The following SOS1 variants were observed in gnomAD, a reference collection of about 807,000 sequenced individuals.
The protein encoded by SOS1 is son of sevenless homolog 1.
SOS1 carries 25 observed loss-of-function variants against 157.6 expected under a neutral mutation model. The observed-to-expected ratio is 0.16, with a 90% confidence interval of 0.12 to 0.22. The LOEUF is 0.22. SOS1 is among the 10% of genes least tolerant of loss of function. The probability of loss-of-function intolerance (pLI) is 1.00; values close to 1 mark genes in which losing one functional copy is unlikely to be tolerated. For missense variants in SOS1, 1,237 were observed against 1,599.1 expected (o/e 0.77, Z 3.86); for synonymous variants, 528 against 534.0 (o/e 0.99, Z 0.16).
At chr2:39,025,463 C>T (rs1669926249) in intron 8 of SOS1, among the ~76,000 whole-genome samples, 1 of 151,972 alleles carries the variant, frequency 6.6e-6, no homozygotes, top group Admixed American at 6.6e-5. Flanking sequence ...AGTTCTCCTG[C>T]CTCAGCCTCC....
intron 6 of SOS1, among the ~76,000 whole-genome samples, chr2:39,046,495 C>CTTTTTTTTTTTTT (rs201639147): frequency 1.8e-4 from 23 of 124,402 alleles, no homozygotes; most frequent in African/African-American, 7.3e-4. Flanking sequence ...GAGACAGTGT[C>CTTTTTTTTTTTTT]TTTTTTTTTT....
intron 1 of SOS1, among the ~76,000 whole-genome samples, chr2:39,079,214 A>G (rs1472915059): frequency 4.4e-4 from 1 of 2,292 alleles, no homozygotes; most frequent in African/African-American, 4.4e-3. Context: ...TGAATGACCT[A>G]AAAGTTACAC....
intron 1 of SOS1, among the ~76,000 whole-genome samples, chr2:39,068,200 G>A (rs1301615149): frequency 1.3e-5 from 2 of 152,156 alleles, no homozygotes; most frequent in African/African-American, 2.4e-5. Context: ...TAGAAGTCAG[G>A]AGTTCTCAAC....
intron 5 of SOS1, 143 bp from the exon 6 acceptor site, chr2:39,051,430 A>T: frequency 1.4e-6 from 1 of 701,302 alleles, no homozygotes. Flanking sequence ...AAATATGAAT[A>T]AAGGACAATT....
chr2:39,013,452 A>G lies in SOS1; in HGVS notation c.2167+8T>C, dbSNP rs1422066325. On this transcript the variant is annotated splice_region_variant and intron_variant, in intron 13 of 22. Coordinates refer to ENST00000402219, the MANE Select transcript of SOS1 (RefSeq NM_005633.4). ...TATAAAACTAGGCACCTAAAAAAAA[A>G]AACATACCTCTTACTGTTCCAATAA... The G allele has an allele frequency of 2.5e-6, 4 of 1,575,512 alleles. No individual in the cohort carries two copies. Among genetic ancestry groups the G allele is most frequent in the Non-Finnish European group, 3.5e-6 (4 of 1,145,212 alleles).
At chr2:39,015,531 A>G (rs1001938561) in intron 10 of SOS1, among the ~76,000 whole-genome samples, 9 of 152,004 alleles carry the variant, frequency 5.9e-5, no homozygotes, top group African/African-American at 1.7e-4. Flanking sequence ...GGAGTCTCCA[A>G]TCCCTTCCAT....
At chr2:39,040,706 T>C (rs771484937) in intron 6 of SOS1, among the ~76,000 whole-genome samples, 1 of 152,250 alleles carries the variant, frequency 6.6e-6, no homozygotes, top group East Asian at 1.9e-4. Flanking sequence ...TCTACTGTAA[T>C]GTATTTACCA....
At chr2:39,041,212 C>T (rs1670557575) in intron 6 of SOS1, among the ~76,000 whole-genome samples, 2 of 152,102 alleles carry the variant, frequency 1.3e-5, no homozygotes, top group Non-Finnish European at 2.9e-5. Context: ...TGCACACCAC[C>T]ATCCTGGGCA....
chr2:38,994,680 C>T (rs1254890949), intron 20 of SOS1, among the ~76,000 whole-genome samples: 1 of 152,170 alleles, frequency 6.6e-6, no homozygotes, highest in African/African-American at 2.4e-5. Flanking sequence ...TATGTTGACA[C>T]TCAAAAAGTT....
At position 39,023,041 on chromosome 2, in the gene SOS1, G is replaced by C. The variant is rs762150157; in HGVS notation, c.1387C>G (p.Leu463Val). ...CAGCAAATCATTAAGCCATCAAAGA[G>C]AAATATGTGTCTCTCATGTTTGGCT... is the stretch of plus-strand genomic sequence containing the variant. ...VGAKHERHIFLFDGLMICCKS... is the reference protein window; with the variant it reads ...VGAKHERHIFVFDGLMICCKS... Residue 463 changes from leucine (L) to valine (V), a missense_variant, in exon 10 of 23, where the codon CTC (leucine) becomes GTC (valine). Physicochemically the swap from Leu to Val is conservative, Grantham distance 32. This residue lies in a region of SOS1 where 210 missense variants were observed against 220.2 expected (regional missense o/e 0.95). Coordinates refer to ENST00000402219, the MANE Select transcript of SOS1 (RefSeq NM_005633.4). 6.2e-7 allele frequency: 1 copy of C among 1,613,724 alleles called. No homozygotes were observed. Among genetic ancestry groups the C allele is most frequent in the South Asian group, 1.1e-5 (1 of 91,068 alleles).
intron 2 of SOS1, among the ~76,000 whole-genome samples, chr2:39,063,399 A>T (rs1671478596): frequency 6.6e-6 from 1 of 152,266 alleles, no homozygotes; most frequent in Admixed American, 6.5e-5. Context: ...AAGGGACTTA[A>T]GCATCCATGG....
At chr2:39,090,986 A>C (rs1204229115) in intron 1 of SOS1, among the ~76,000 whole-genome samples, 1 of 152,050 alleles carries the variant, frequency 6.6e-6, no homozygotes, top group Non-Finnish European at 1.5e-5. Flanking sequence ...CTCCTGTTTC[A>C]GCCTCCCGAG....
At chr2:39,107,798 G>T (rs968242898) in intron 1 of SOS1, among the ~76,000 whole-genome samples, 1 of 151,928 alleles carries the variant, frequency 6.6e-6, no homozygotes, top group African/African-American at 2.4e-5. Context: ...AATATGAAGA[G>T]ATTCACTCTA....
In SOS1 at chr2:38,997,233, C is replaced by T. The variant is rs1448789129; in HGVS notation, c.2964+20G>A. 6.3e-7 allele frequency: 1 copy of T among 1,578,942 alleles called. No homozygotes were observed. Among genetic ancestry groups the T allele is most frequent in the African/African-American group, 1.3e-5 (1 of 74,142 alleles). On this transcript the variant is annotated intron_variant, in intron 18 of 22. Transcript: ENST00000402219. ...TAGAAACTTAATCAGAAGTATGAATCTTTAAATAATTCAACTTACTTTGAT... is the reference window on the plus strand; with the variant it reads ...TAGAAACTTAATCAGAAGTATGAATTTTTAAATAATTCAACTTACTTTGAT...
At chr2:38,989,815 T>C (rs752338233) in intron 20 of SOS1, among the ~76,000 whole-genome samples, 3 of 152,140 alleles carry the variant, frequency 2.0e-5, no homozygotes, top group East Asian at 1.9e-4. Flanking sequence ...AAGCTTGAAA[T>C]TGATACAGGG....
intron 17 of SOS1, among the ~76,000 whole-genome samples, chr2:39,005,161 C>A (rs1669245145): frequency 6.6e-6 from 1 of 152,094 alleles, no homozygotes; most frequent in Non-Finnish European, 1.5e-5. Flanking sequence ...AAATTAGGCA[C>A]AGTAAGATTA....
Position 39,067,672 on chromosome 2 carries a change from T to A in SOS1, c.169A>T (p.Asn57Tyr), listed in dbSNP as rs765764610. ...YVEELILQLL[N>Y]MLCQAQPRSA... ...CGGGGCTGAGCTTGGCATAGCATAT[T>A]TAATAATTGCAAAATTAATTCTTCA... The change falls in exon 2 of 23, where the codon AAT becomes TAT. Residue 57 changes from asparagine to tyrosine, a missense_variant. Transcript: ENST00000402219. The A allele has an allele frequency of 4.6e-5, 75 of 1,613,208 alleles. No individual in the cohort carries two copies. The highest frequency in any genetic ancestry group is 5.9e-5 in the Non-Finnish European group (70 of 1,179,166).
chr2:39,091,294 G>C (rs1211792689), intron 1 of SOS1, among the ~76,000 whole-genome samples: 1 of 152,138 alleles, frequency 6.6e-6, no homozygotes, highest in African/African-American at 2.4e-5. Flanking sequence ...TGAGGGTAGT[G>C]AGCATGTCTT....
intron 17 of SOS1, among the ~76,000 whole-genome samples, chr2:39,000,473 T>A (rs1450319836): frequency 1.3e-5 from 2 of 152,232 alleles, no homozygotes; most frequent in Non-Finnish European, 2.9e-5. Flanking sequence ...TAGTTACTCC[T>A]GTACTTCAAT....
Sources: gnomAD v4.1 joint callset for allele counts (sites outside exome capture counted in the v4.1 genomes callset) on GRCh38, gnomAD v4.1.1 for gene constraint, gnomAD v4.1.1 regional missense constraint, MANE v1.5 for transcripts, NCBI Gene and HGNC (gene_info 2026-07-23, HGNC 2026-07-21) for gene names.